Variants in SRD5A1 observed in about 807,000 individuals in gnomAD.
The protein encoded by SRD5A1 is 3-oxo-5-alpha-steroid 4-dehydrogenase 1.
In SRD5A1, 22 loss-of-function variants were observed where a neutral mutation model predicts 28.2. The observed-to-expected ratio is 0.78, with a 90% CI of 0.56 to 1.12. SRD5A1 has a LOEUF of 1.12. Ranked by LOEUF, SRD5A1 falls within the 50% of genes most tolerant of loss-of-function variation. The pLI is 0.00. For synonymous variants in SRD5A1, 151 were observed against 135.0 expected, an observed-to-expected ratio of 1.12 and a Z score of -0.82; for missense variants, 300 against 346.7, an observed-to-expected ratio of 0.87 and a Z score of 1.07.
At position 6,642,017 on chromosome 5, in the gene SRD5A1, G is replaced by A. The variant is rs562221015; in HGVS notation, c.293+8148G>A. Among the ~76,000 whole-genome samples the A allele has an allele frequency of 3.9e-5, 6 of 152,328 alleles. No individual in the cohort carries two copies. The South Asian group carries it at 1.0e-3, about 26-fold the overall frequency. ...TAGGCTTTGTGGGCCAAGATACTGG[G>A]TAGGTATTTACGATGAGAGAAAACA... On this transcript the variant is annotated intron_variant, in intron 1 of 4. Transcript: ENST00000274192.
At chr5:6,635,211 TC>T (rs1738144471) in intron 1 of SRD5A1, among the ~76,000 whole-genome samples, 1 of 152,174 alleles carries the variant, frequency 6.6e-6, no homozygotes, top group African/African-American at 2.4e-5. Context: ...GCAGTCTGTG[TC>T]CTCAGTGTGC....
chr5:6,660,503 G>A (rs1434641770), intron 3 of SRD5A1, among the ~76,000 whole-genome samples: 1 of 152,174 alleles, frequency 6.6e-6, no homozygotes, highest in African/African-American at 2.4e-5. Flanking sequence ...CATGATTAAC[G>A]TAATCTTGTA....
intron 1 of SRD5A1, among the ~76,000 whole-genome samples, chr5:6,635,760 G>A (rs1181003060): frequency 1.3e-5 from 2 of 152,184 alleles, no homozygotes; most frequent in Non-Finnish European, 2.9e-5. Context: ...GGAAATCAAG[G>A]GAACACTTGA....
chr5:6,659,270 C>T (rs754707164), intron 3 of SRD5A1, among the ~76,000 whole-genome samples: 42 of 152,090 alleles, frequency 2.8e-4, no homozygotes, highest in Non-Finnish European at 3.7e-4. Flanking sequence ...CCCGCCACCA[C>T]GCCTGGCTAA....
chr5:6,633,810 T>A lies in SRD5A1; in HGVS notation c.234T>A (p.Arg78=). Residue 78 remains arginine, a synonymous_variant, in exon 1 of 5, where the codon CGT becomes CGA. Coordinates refer to ENST00000274192, the MANE Select transcript of SRD5A1 (RefSeq NM_001047.4). ...AGTACGCCAGCGAGTCCGCCCCGCG[T>A]CTCCGCAGCGCGCCCAACTGCATCC... ...LYQYASESAP[R]LRSAPNCILL... The A allele has an allele frequency of 3.8e-6, 6 of 1,597,848 alleles. No homozygotes were observed. Among genetic ancestry groups the A allele is most frequent in the Non-Finnish European group, 5.1e-6 (6 of 1,179,650 alleles).
intron 1 of SRD5A1, among the ~76,000 whole-genome samples, chr5:6,636,014 A>C (rs1184996022): frequency 6.6e-6 from 1 of 151,796 alleles, no homozygotes; most frequent in Non-Finnish European, 1.5e-5. Context: ...CTATACTAAT[A>C]GTTTAAAAGC....
At chr5:6,636,183 A>G (rs1031879864) in intron 1 of SRD5A1, among the ~76,000 whole-genome samples, 2 of 152,158 alleles carry the variant, frequency 1.3e-5, no homozygotes, top group Non-Finnish European at 2.9e-5. Context: ...ATTCTACCCA[A>G]GCAACTAATT....
chr5:6,645,302 C>T (rs910264850), intron 1 of SRD5A1: 2 of 233,316 alleles, frequency 8.6e-6, no homozygotes, highest in African/African-American at 4.6e-5. Flanking sequence ...TTTTCCTGCT[C>T]TATTAAGGTA....
chr5:6,666,287 A>G (rs1392893308), intron 4 of SRD5A1, among the ~76,000 whole-genome samples: 1 of 151,992 alleles, frequency 6.6e-6, no homozygotes, highest in Non-Finnish European at 1.5e-5. Context: ...AGCTGGGACT[A>G]CAGGTGCCCG....
chr5:6,637,524 T>C (rs533251), intron 1 of SRD5A1, among the ~76,000 whole-genome samples: 1 of 152,136 alleles, frequency 6.6e-6, no homozygotes, highest in East Asian at 1.9e-4. Flanking sequence ...CCTGACCTCA[T>C]GCTCTTTCTC....
chr5:6,666,396 C>T (rs1739180495), intron 4 of SRD5A1, among the ~76,000 whole-genome samples: 2 of 152,168 alleles, frequency 1.3e-5, no homozygotes, highest in Non-Finnish European at 2.9e-5. Flanking sequence ...GATTTGCCCG[C>T]CTCAGCCTCC....
Position 6,651,825 on chromosome 5 carries a change from G to A in SRD5A1, c.294-17G>A, listed in dbSNP as rs2307270. On this transcript the variant is annotated splice_polypyrimidine_tract_variant and intron_variant, in intron 1 of 4. Coordinates refer to ENST00000274192, the MANE Select transcript of SRD5A1 (RefSeq NM_001047.4). ...TTTAATTTTTTAAAAAATTGTGCCT[G>A]TTTCTTGTTTCCTAAGGTGCTTAAT... 0.024 allele frequency: 38,515 copies of A among 1,574,768 alleles called. 582 individuals carry two copies. Among genetic ancestry groups the A allele is most frequent in the Non-Finnish European group, 0.028 (32,472 of 1,158,098 alleles).
chr5:6,633,956 C>A, intron 1 of SRD5A1, 87 bp downstream of exon 1: 1 of 1,431,682 alleles, frequency 7.0e-7, no homozygotes, highest in Non-Finnish European at 9.6e-7. Context: ...GCCCTCTCCC[C>A]GAAGCCTCCC....
intron 1 of SRD5A1, 51 bp downstream of exon 1, chr5:6,633,920 C>T: frequency 6.3e-7 from 1 of 1,578,136 alleles, no homozygotes. Context: ...CCGGCGTCCT[C>T]TCCGACCCTC....
At chr5:6,646,358 C>T (rs1400667327) in intron 1 of SRD5A1, among the ~76,000 whole-genome samples, 1 of 151,984 alleles carries the variant, frequency 6.6e-6, no homozygotes, top group Admixed American at 6.6e-5. Flanking sequence ...GGGTATATAC[C>T]CAGTAACGGG....
rs986614289 is a variant in SRD5A1, at chr5:6,671,445, A to C, written c.*3177A>C. On this transcript the variant is annotated 3_prime_UTR_variant, in exon 5 of 5. Coordinates refer to ENST00000274192, the MANE Select transcript of SRD5A1 (RefSeq NM_001047.4). ...GTATAGATTGTGAAGATTTTCTCCC[A>C]CTCTGTGCGTTGTCTGTTTACTCTG... 1 of 151,604 alleles carries C rather than the reference A, an allele frequency of 6.6e-6. No homozygotes were observed. Among genetic ancestry groups the C allele is most frequent in the East Asian group, 1.9e-4 (1 of 5,174 alleles). The allele number at this position is 151,604 out of a possible 1,614,324, so 9.4% of individuals were successfully genotyped here.
chr5:6,646,970 G>A (rs753726465), intron 1 of SRD5A1, among the ~76,000 whole-genome samples: 9 of 152,282 alleles, frequency 5.9e-5, no homozygotes, highest in Middle Eastern at 6.8e-3. Context: ...ATTCTGGTAT[G>A]TTGTATCTTT....
At chr5:6,635,164 A>C (rs1212847233) in intron 1 of SRD5A1, among the ~76,000 whole-genome samples, 1 of 152,200 alleles carries the variant, frequency 6.6e-6, no homozygotes, top group African/African-American at 2.4e-5. Context: ...TTGGTACCTG[A>C]GTTCCCTGAA....
chr5:6,660,083 TAAAG>T (rs1188194567), intron 3 of SRD5A1, among the ~76,000 whole-genome samples: 5 of 152,046 alleles, frequency 3.3e-5, no homozygotes, highest in Non-Finnish European at 7.4e-5. Context: ...AATAAAGAGA[TAAAG>T]AGAGGTGCAC....
Sources: allele counts gnomAD v4.1 joint callset (sites outside exome capture counted in the v4.1 genomes callset), GRCh38; gene constraint gnomAD v4.1.1; transcripts MANE v1.5; gene names NCBI Gene and HGNC (gene_info 2026-07-23, HGNC 2026-07-21).